BCL2L11: variants seen among roughly 807,000 people sequenced by gnomAD.
BCL2L11 encodes bcl-2-like protein 11.
Under a neutral mutation model 20.6 loss-of-function variants are expected in BCL2L11, and 15 were observed. The ratio of observed to expected loss-of-function variants is 0.73; its 90% CI spans 0.49 to 1.12. The LOEUF (loss-of-function observed/expected upper bound fraction) is 1.12, where lower values mean the gene tolerates loss of function less well. Ranked by LOEUF, BCL2L11 falls within the 50% of genes most tolerant of loss-of-function variation. The pLI is 0.00. For missense variants in BCL2L11, 292 were observed against 260.9 expected (o/e 1.12, Z -0.82); for synonymous variants, 108 against 92.8 (o/e 1.16, Z -0.94).
At chr2:111,127,416 T>C (rs1263240435) in intron 2 of BCL2L11, among the ~76,000 whole-genome samples, 1 of 149,032 alleles carries the variant, frequency 6.7e-6, no homozygotes, top group Non-Finnish European at 1.5e-5. Flanking sequence ...AGTTAATGGC[T>C]TTCTTTTTTT....
intron 3 of BCL2L11, among the ~76,000 whole-genome samples, chr2:111,154,591 G>A (rs149194426): frequency 5.9e-5 from 9 of 152,310 alleles, no homozygotes; most frequent in Admixed American, 4.6e-4. Context: ...TCTGATGGGA[G>A]CACTCCAGAG....
intron 2 of BCL2L11, chr2:111,144,409 C>T (rs2076231038): frequency 2.1e-6 from 3 of 1,457,816 alleles, no homozygotes; most frequent in Non-Finnish European, 1.9e-6. Context: ...TGAGAACCGT[C>T]AGAGTTGAGG....
chr2:111,145,849 G>A, intron 2 of BCL2L11: 2 of 418,236 alleles, frequency 4.8e-6, no homozygotes, highest in South Asian at 1.0e-4. Context: ...TGAAGATTCA[G>A]TGGACACACT....
At chr2:111,155,315 A>C (rs1190241745) in intron 3 of BCL2L11, among the ~76,000 whole-genome samples, 1 of 152,158 alleles carries the variant, frequency 6.6e-6, no homozygotes, top group Non-Finnish European at 1.5e-5. Flanking sequence ...ACTGTTCTTC[A>C]GTAGCGGTTG....
intron 2 of BCL2L11, chr2:111,142,383 A>G (rs2075964092): frequency 6.4e-7 from 1 of 1,550,412 alleles, no homozygotes. Flanking sequence ...AGTGGTTAGC[A>G]AAATCAAGGT....
At chr2:111,130,754 G>A (rs762764351) in intron 2 of BCL2L11, among the ~76,000 whole-genome samples, 3 of 152,124 alleles carry the variant, frequency 2.0e-5, no homozygotes, top group East Asian at 1.9e-4. Context: ...TATATGGGTC[G>A]TCTTTAAAAG....
chr2:111,141,387 C>T (rs1479326904), intron 2 of BCL2L11, among the ~76,000 whole-genome samples: 1 of 151,306 alleles, frequency 6.6e-6, no homozygotes, highest in Non-Finnish European at 1.5e-5. Flanking sequence ...AATTGGAAAT[C>T]ATCATTCTCA....
At position 111,145,992 on chromosome 2, in the gene BCL2L11, C is replaced by T. The variant is rs371946113; in HGVS notation, c.395-4052C>T. Reference sequence around the variant, plus strand: ...GGATCTGCCTAGGAAGTCACCTCTGCCTGAGTCTGCTACTTGCAGGATTGG... The same window carrying T: ...GGATCTGCCTAGGAAGTCACCTCTGTCTGAGTCTGCTACTTGCAGGATTGG... On this transcript the variant is annotated intron_variant, in intron 2 of 3. Transcript: ENST00000393256. 6 of 982,154 alleles carry T rather than the reference C, an allele frequency of 6.1e-6. No individual in the cohort carries two copies. In the African/African-American group the frequency reaches 1.1e-4, roughly 17 times the overall value. 60.8% of individuals were successfully genotyped at this position (982,154 alleles called of 1,614,324 possible). A position where few individuals can be genotyped will look rare whatever the true frequency, so the allele number is the denominator to read the frequency against.
intron 3 of BCL2L11, chr2:111,153,913 A>T: frequency 6.5e-7 from 1 of 1,538,348 alleles, no homozygotes; most frequent in South Asian, 1.2e-5. Flanking sequence ...AGGTGAGCGC[A>T]AAGTCCCAGT....
At chr2:111,128,381 G>A (rs1487806482) in intron 2 of BCL2L11, among the ~76,000 whole-genome samples, 3 of 152,060 alleles carry the variant, frequency 2.0e-5, no homozygotes, top group African/African-American at 7.2e-5. Context: ...TTTGGCTATT[G>A]TGAGTAGTGC....
chr2:111,145,040 C>T (rs1014862334), intron 2 of BCL2L11, among the ~76,000 whole-genome samples: 3 of 152,186 alleles, frequency 2.0e-5, no homozygotes, highest in Non-Finnish European at 2.9e-5. Flanking sequence ...GCTTAATTCA[C>T]GCTGATGACT....
chr2:111,124,472 G>A (rs1456580443), intron 2 of BCL2L11, among the ~76,000 whole-genome samples: 2 of 151,948 alleles, frequency 1.3e-5, no homozygotes, highest in Non-Finnish European at 2.9e-5. Flanking sequence ...TTCTATTTTT[G>A]GTAGAGATGG....
intron 2 of BCL2L11, among the ~76,000 whole-genome samples, chr2:111,148,688 A>G (rs1157975441): frequency 2.0e-5 from 3 of 152,208 alleles, no homozygotes; most frequent in Non-Finnish European, 4.4e-5. Context: ...CACAGACTGC[A>G]GATAACTCTG....
At chr2:111,154,830 T>C (rs927683106) in intron 3 of BCL2L11, among the ~76,000 whole-genome samples, 2 of 152,250 alleles carry the variant, frequency 1.3e-5, no homozygotes, top group African/African-American at 4.8e-5. Context: ...CATAGATTCC[T>C]GTTTTATTCA....
chr2:111,128,589 C>G, intron 2 of BCL2L11: 1 of 1,491,228 alleles, frequency 6.7e-7, no homozygotes. Context: ...AGTTTCTCCA[C>G]ATACTTACCA....
rs954793531 is a variant in BCL2L11 at position 111,166,092 on chromosome 2, A to T, written c.*1861A>T. The T allele has an allele frequency of 3.3e-5, 5 of 152,644 alleles. No individual in the cohort carries two copies. Among genetic ancestry groups the T allele is most frequent in the African/African-American group, 1.2e-4 (5 of 41,452 alleles). The allele number at this position is 152,644 out of a possible 1,614,324, so 9.5% of individuals were successfully genotyped here. A position where few individuals can be genotyped will look rare whatever the true frequency, so the allele number is the denominator to read the frequency against. Reference sequence around the variant, plus strand: ...GTGTCTCGAGCCCATTGGTAGGGTCATACAAAGCCCACGGTTACAAGCAGT... The same window carrying T: ...GTGTCTCGAGCCCATTGGTAGGGTCTTACAAAGCCCACGGTTACAAGCAGT... On this transcript the variant is annotated 3_prime_UTR_variant, in exon 4 of 4. Coordinates refer to ENST00000393256, the MANE Select transcript of BCL2L11 (RefSeq NM_138621.5).
chr2:111,155,838 T>C (rs956165929), intron 3 of BCL2L11, among the ~76,000 whole-genome samples: 1 of 152,238 alleles, frequency 6.6e-6, no homozygotes, highest in Non-Finnish European at 1.5e-5. Context: ...CTTCCTACTC[T>C]GTCCAGGGCA....
chr2:111,124,159 G>A lies in BCL2L11; in HGVS notation c.394+20G>A, dbSNP rs2071928639. On this transcript the variant is annotated intron_variant, in intron 2 of 3. Coordinates refer to ENST00000393256, the MANE Select transcript of BCL2L11 (RefSeq NM_138621.5). The stretch of plus-strand genomic sequence containing the variant: ...CAATGGGTAAGCAATGCCTGGGTAA[G>A]AGGCAGTTGACGTGTGGATGGTTGA... 2 of 1,583,030 alleles carry A rather than the reference G, an allele frequency of 1.3e-6. No individual in the cohort carries two copies. Among genetic ancestry groups the A allele is most frequent in the Non-Finnish European group, 1.7e-6 (2 of 1,164,024 alleles).
At chr2:111,146,309 C>G in intron 2 of BCL2L11, 2 of 848,856 alleles carry the variant, frequency 2.4e-6, no homozygotes. Flanking sequence ...TTACGGCGGT[C>G]AGACACATTG....
Sources: allele counts gnomAD v4.1 joint callset (sites outside exome capture counted in the v4.1 genomes callset), GRCh38; gene constraint gnomAD v4.1.1; transcripts MANE v1.5; gene names NCBI Gene and HGNC (gene_info 2026-07-23, HGNC 2026-07-21).